The following ENOX1 variants were observed in gnomAD, a reference collection of about 807,000 sequenced individuals.
The protein encoded by ENOX1 is ecto-NOX disulfide-thiol exchanger 1.
ENOX1 carries 42 observed loss-of-function variants against 82.5 expected under a neutral mutation model. The ratio of observed to expected loss-of-function variants is 0.51; its 90% confidence interval spans 0.40 to 0.66. ENOX1 has a LOEUF of 0.66. ENOX1 is among the 30% of genes least tolerant of loss of function. ENOX1 has a pLI of 0.00. For missense variants in ENOX1, 608 were observed against 811.6 expected (o/e 0.75, Z 3.05); for synonymous variants, 271 against 282.2 (o/e 0.96, Z 0.40).
Position 43,240,460 on chromosome 13 carries a change from G to A in ENOX1, c.1612-3722C>T, listed in dbSNP as rs552295500. Among the ~76,000 whole-genome samples, 26 of 152,222 alleles carry A rather than the reference G, an allele frequency of 1.7e-4. 1 individual carries two copies. The Middle Eastern group carries it at 0.01, about 60-fold the overall frequency. On this transcript the variant is annotated intron_variant, in intron 14 of 16. Transcript: ENST00000690772. ...CTGCATTTTAGGACATTGGTTTGGA[G>A]GCAAATGAAACTGGAGTCAGCCTAC... is the stretch of plus-strand genomic sequence containing the variant.
chr13:43,559,441 G>A (rs1390436153), intron 2 of ENOX1, among the ~76,000 whole-genome samples: 1 of 152,106 alleles, frequency 6.6e-6, no homozygotes, highest in African/African-American at 2.4e-5. Flanking sequence ...AAACAATATG[G>A]GAATCAGAGG....
chr13:43,672,586 G>T (rs574683355), intron 1 of ENOX1, among the ~76,000 whole-genome samples: 1 of 152,106 alleles, frequency 6.6e-6, no homozygotes, highest in Non-Finnish European at 1.5e-5. Flanking sequence ...ATGAGGAAAA[G>T]ATATTTTCTC....
intron 5 of ENOX1, among the ~76,000 whole-genome samples, chr13:43,398,625 C>T (rs948488928): frequency 2.0e-5 from 3 of 152,012 alleles, no homozygotes; most frequent in Admixed American, 6.6e-5. Flanking sequence ...TCTCCTGCCT[C>T]CCCTTCCATC....
In ENOX1 at chr13:43,315,658, G is replaced by A. The variant is rs115531743; in HGVS notation, c.1261+6726C>T. ...ATCCTGTCAGAATGAGATACTAAGAGTGTCGATAAAATGACACTAAAATAA... is the reference window on the plus strand; with the variant it reads ...ATCCTGTCAGAATGAGATACTAAGAATGTCGATAAAATGACACTAAAATAA... On this transcript the variant is annotated intron_variant, in intron 11 of 16. Transcript: ENST00000690772. Among the ~76,000 whole-genome samples, 550 of 152,298 alleles carry A rather than the reference G, an allele frequency of 3.6e-3. 4 individuals are homozygous for A. Among genetic ancestry groups the A allele is most frequent in the African/African-American group, 0.013 (528 of 41,554 alleles).
intron 2 of ENOX1, among the ~76,000 whole-genome samples, chr13:43,559,877 T>A (rs1020477275): frequency 2.0e-5 from 3 of 152,200 alleles, no homozygotes; most frequent in Non-Finnish European, 4.4e-5. Context: ...TTTAGTAAAA[T>A]GCTTTAATAT....
chr13:43,711,277 C>T (rs1322753323), intron 1 of ENOX1, among the ~76,000 whole-genome samples: 1 of 152,026 alleles, frequency 6.6e-6, no homozygotes, highest in Non-Finnish European at 1.5e-5. Context: ...GCATAGTATT[C>T]CATGGTGTAT....
intron 2 of ENOX1, among the ~76,000 whole-genome samples, chr13:43,499,651 G>T (rs571804200): frequency 3.9e-5 from 6 of 152,102 alleles, no homozygotes; most frequent in African/African-American, 1.4e-4. Context: ...ATGGAGAGAG[G>T]TGACTGCTTC....
At chr13:43,549,641 TA>T (rs2079105921) in intron 2 of ENOX1, among the ~76,000 whole-genome samples, 3 of 152,224 alleles carry the variant, frequency 2.0e-5, no homozygotes, top group Admixed American at 2.0e-4. Context: ...TACCATTACT[TA>T]AAATATACTA....
intron 9 of ENOX1, among the ~76,000 whole-genome samples, chr13:43,334,623 C>T (rs2048594952): frequency 1.3e-5 from 2 of 152,018 alleles, no homozygotes; most frequent in South Asian, 4.2e-4. Context: ...GCAAACAAGC[C>T]AAACATTGGA....
chr13:43,649,786 G>T (rs111266114), intron 2 of ENOX1, among the ~76,000 whole-genome samples: 240 of 134,442 alleles, frequency 1.8e-3, no homozygotes, highest in African/African-American at 5.8e-3. Context: ...CAAACCAAAA[G>T]TCCCTTGGCC....
chr13:43,371,349 T>C (rs1428213174), intron 5 of ENOX1, among the ~76,000 whole-genome samples: 2 of 152,246 alleles, frequency 1.3e-5, no homozygotes, highest in South Asian at 2.1e-4. Context: ...CAAATATATG[T>C]TGAAAGACTA....
chr13:43,472,856 T>C (rs1342512992), intron 3 of ENOX1, among the ~76,000 whole-genome samples: 1 of 152,226 alleles, frequency 6.6e-6, no homozygotes, highest in Non-Finnish European at 1.5e-5. Context: ...GAAAGGTTAA[T>C]ACTATTTACG....
chr13:43,536,927 C>T (rs1161566248), intron 2 of ENOX1, among the ~76,000 whole-genome samples: 1 of 152,076 alleles, frequency 6.6e-6, no homozygotes, highest in Non-Finnish European at 1.5e-5. Flanking sequence ...CATAAAAAAC[C>T]AAGGAGCTTC....
intron 3 of ENOX1, among the ~76,000 whole-genome samples, chr13:43,431,321 T>A (rs2055647397): frequency 6.6e-6 from 1 of 152,096 alleles, no homozygotes. Flanking sequence ...GCAAGTGTGA[T>A]CTTCTCTTAG....
chr13:43,306,269 A>C (rs746400843), intron 11 of ENOX1, among the ~76,000 whole-genome samples: 16 of 152,226 alleles, frequency 1.1e-4, no homozygotes, highest in Non-Finnish European at 2.1e-4. Flanking sequence ...AGAGGCGAGC[A>C]GGCTGCTTCC....
intron 8 of ENOX1, among the ~76,000 whole-genome samples, chr13:43,348,928 A>G (rs887773850): frequency 1.3e-5 from 2 of 152,226 alleles, no homozygotes; most frequent in Non-Finnish European, 2.9e-5. Context: ...TATCTATGAA[A>G]TTGTGAAGAA....
At chr13:43,308,605 C>T (rs2047002249) in intron 11 of ENOX1, among the ~76,000 whole-genome samples, 1 of 152,202 alleles carries the variant, frequency 6.6e-6, no homozygotes, top group South Asian at 2.1e-4. Flanking sequence ...CAGTTAAGCA[C>T]TATATGACAG....
intron 5 of ENOX1, among the ~76,000 whole-genome samples, chr13:43,392,458 C>T (rs2052846602): frequency 6.6e-6 from 1 of 152,154 alleles, no homozygotes; most frequent in Admixed American, 6.5e-5. Flanking sequence ...GCGGGTGGAT[C>T]CCCTGAGGTC....
chr13:43,648,851 T>A lies in ENOX1; in HGVS notation c.-219+18628A>T, dbSNP rs4144377. The stretch of plus-strand genomic sequence containing the variant: ...ACTCAGCGTTCTCCTTATCTGAATA[T>A]GGATGTGGTTAGACTCCCTGTGACG... On this transcript the variant is annotated intron_variant, in intron 2 of 16. Transcript: ENST00000690772. 2.8e-3 allele frequency among the ~76,000 whole-genome samples: 424 copies of A among 152,324 alleles called. 18 individuals are homozygous for A. In the East Asian group the frequency reaches 0.074, roughly 27 times the overall value.
Sources: gnomAD v4.1 joint callset for allele counts (sites outside exome capture counted in the v4.1 genomes callset) on GRCh38, gnomAD v4.1.1 for gene constraint, MANE v1.5 for transcripts, NCBI Gene and HGNC (gene_info 2026-07-23, HGNC 2026-07-21) for gene names.